ALG8: variants seen among roughly 807,000 people sequenced by gnomAD.
The protein encoded by ALG8 is dolichyl pyrophosphate Glc1Man9GlcNAc2 alpha-1,3-glucosyltransferase.
ALG8 carries 48 observed loss-of-function variants against 70.2 expected under a neutral mutation model. The ratio of observed to expected loss-of-function variants is 0.68; its 90% CI spans 0.54 to 0.87. ALG8 has a LOEUF of 0.87. Among genes scored for constraint, ALG8 ranks in the 40% least tolerant of loss-of-function variants. The pLI is 0.00. For synonymous variants in ALG8, 234 were observed against 229.0 expected, an observed-to-expected ratio of 1.02 and a Z score of -0.20; for missense variants, 572 against 608.7, an observed-to-expected ratio of 0.94 and a Z score of 0.64.
intron 5 of ALG8, among the ~76,000 whole-genome samples, chr11:78,117,544 G>A (rs902635240): frequency 6.6e-6 from 1 of 151,540 alleles, no homozygotes; most frequent in Non-Finnish European, 1.5e-5. Flanking sequence ...AGGCCAGAGT[G>A]GGAGGATCAC....
Position 78,103,158 on chromosome 11 carries a change from T to G in ALG8, c.1349+822A>C, listed in dbSNP as rs367880604. ...CTGACCAACACAGAGAAACCCCATC[T>G]CTAATAAAAATACAAAATTAGCCGG... On this transcript the variant is annotated intron_variant, in intron 12 of 12. Transcript: ENST00000299626. 9.3e-4 allele frequency among the ~76,000 whole-genome samples: 142 copies of G among 151,998 alleles called. 3 individuals are homozygous for G. The South Asian group carries it at 0.028, about 30-fold the overall frequency.
At chr11:78,104,487 T>A (rs900681891) in intron 10 of ALG8, 34 bp from the exon 11 acceptor site, 1 of 1,532,828 alleles carries the variant, frequency 6.5e-7, no homozygotes, top group Non-Finnish European at 8.8e-7. Context: ...AAACAACAAC[T>A]GTTATTACAC....
chr11:78,125,704 G>A (rs1861038660), intron 2 of ALG8, among the ~76,000 whole-genome samples: 1 of 151,956 alleles, frequency 6.6e-6, no homozygotes, highest in African/African-American at 2.4e-5. Context: ...TTACTCAGGA[G>A]GCTAAAGGCA....
At chr11:78,136,000 C>G (rs1861531810) in intron 1 of ALG8, among the ~76,000 whole-genome samples, 1 of 151,946 alleles carries the variant, frequency 6.6e-6, no homozygotes, top group Admixed American at 6.6e-5. Context: ...GAAACCCCAT[C>G]TCTGCAAAAA....
At chr11:78,110,326 G>C (rs926224611) in intron 8 of ALG8, among the ~76,000 whole-genome samples, 2 of 152,094 alleles carry the variant, frequency 1.3e-5, no homozygotes, top group African/African-American at 4.8e-5. Context: ...CCATTAACTG[G>C]GATTACAGGC....
chr11:78,104,473 C>G lies in ALG8; in HGVS notation c.1179-20G>C, dbSNP rs372251008. The G allele has an allele frequency of 6.4e-7, 1 of 1,550,866 alleles. No homozygotes were observed. On this transcript the variant is annotated intron_variant, in intron 10 of 12. Transcript: ENST00000299626. ...AAAAGGCTAAAAATAAAAATAATTT[C>G]TTAAAACAACAACTGTTATTACACT...
intron 1 of ALG8, among the ~76,000 whole-genome samples, chr11:78,131,145 T>C (rs1386451892): frequency 6.6e-6 from 1 of 152,188 alleles, no homozygotes; most frequent in Non-Finnish European, 1.5e-5. Context: ...TTCAAAACTG[T>C]TGGAGACTTC....
chr11:78,117,455 C>T (rs1565352772), intron 5 of ALG8, among the ~76,000 whole-genome samples: 1 of 151,820 alleles, frequency 6.6e-6, no homozygotes, highest in Non-Finnish European at 1.5e-5. Flanking sequence ...ATCTGTAATC[C>T]CAGAGACTCA....
intron 5 of ALG8, among the ~76,000 whole-genome samples, chr11:78,118,889 T>A (rs1192153084): frequency 6.6e-6 from 1 of 152,144 alleles, no homozygotes; most frequent in Non-Finnish European, 1.5e-5. Context: ...TGTACTCCAG[T>A]CTGGGTGACA....
At position 78,112,760 on chromosome 11, in the gene ALG8, G is replaced by C; in HGVS notation, c.788C>G (p.Pro263Arg). Reference sequence around the variant, plus strand: ...AGGAAAGAGTCGGGAAAAGACTTGAGGCAGCTGATTCTGTTGAAAAGAGAA... The same window carrying C: ...AGGAAAGAGTCGGGAAAAGACTTGACGCAGCTGATTCTGTTGAAAAGAGAA... ...LGPFLALNQL[P>R]QVFSRLFPFK... Residue 263 changes from proline to arginine, a missense_variant, in exon 8 of 13, where the codon CCT becomes CGT. Coordinates refer to ENST00000299626, the MANE Select transcript of ALG8 (RefSeq NM_024079.5). The C allele has an allele frequency of 1.2e-6, 2 of 1,613,750 alleles. No homozygotes were observed. Among genetic ancestry groups the C allele is most frequent in the South Asian group, 2.2e-5 (2 of 91,068 alleles).
chr11:78,130,997 A>G (rs1261917900), intron 1 of ALG8, among the ~76,000 whole-genome samples: 1 of 152,116 alleles, frequency 6.6e-6, no homozygotes, highest in Non-Finnish European at 1.5e-5. Context: ...TGTTTTATAG[A>G]CATGTCTTTT....
chr11:78,135,994 C>A (rs1335463038), intron 1 of ALG8, among the ~76,000 whole-genome samples: 3 of 151,718 alleles, frequency 2.0e-5, no homozygotes, highest in African/African-American at 4.8e-5. Flanking sequence ...CATGGTGAAA[C>A]CCCATCTCTG....
intron 9 of ALG8, among the ~76,000 whole-genome samples, chr11:78,109,194 T>TC (rs1430668308): frequency 6.6e-6 from 1 of 152,136 alleles, no homozygotes; most frequent in East Asian, 1.9e-4. Context: ...CTTTTTCCCT[T>TC]CCCCCGGGTG....
intron 1 of ALG8, among the ~76,000 whole-genome samples, chr11:78,133,892 C>G (rs1861424211): frequency 1.4e-5 from 2 of 146,392 alleles, no homozygotes; most frequent in South Asian, 4.4e-4. Flanking sequence ...CAGAGCGAGA[C>G]TCCGTCTCAA....
At chr11:78,118,671 C>T (rs562317) in intron 5 of ALG8, among the ~76,000 whole-genome samples, 26,799 of 148,346 alleles carry the variant, frequency 0.18, 2,909 homozygotes, top group Middle Eastern at 0.3. Flanking sequence ...AGGGCAGGCA[C>T]AGGGGCTCAT....
chr11:78,115,855 TCA>T (rs372271052), intron 5 of ALG8, among the ~76,000 whole-genome samples: 133 of 152,280 alleles, frequency 8.7e-4, no homozygotes, highest in African/African-American at 3.1e-3. Context: ...CCTTCACCCC[TCA>T]CAGTTTCAGA....
At chr11:78,134,366 G>C (rs1861451967) in intron 1 of ALG8, among the ~76,000 whole-genome samples, 1 of 152,132 alleles carries the variant, frequency 6.6e-6, no homozygotes, top group African/African-American at 2.4e-5. Context: ...TTGAACTCCT[G>C]ACCTCAGGTG....
chr11:78,124,311 A>T lies in ALG8; in HGVS notation c.175-97T>A, dbSNP rs907137538. 4 of 1,276,748 alleles carry T rather than the reference A, an allele frequency of 3.1e-6. No homozygotes were observed. The African/African-American group carries it at 6.0e-5, about 19-fold the overall frequency. The allele number at this position is 1,276,748 out of a possible 1,614,324, so 79.1% of individuals were successfully genotyped here. On this transcript the variant is annotated intron_variant, in intron 2 of 12. Coordinates refer to ENST00000299626, the MANE Select transcript of ALG8 (RefSeq NM_024079.5). ...TTTTTCATTCTCTGGTCTTTAAAAC[A>T]GCACAATAAGGCTGGGCGTGGTAGC...
chr11:78,105,955 G>T (rs901682149), intron 10 of ALG8, among the ~76,000 whole-genome samples: 1 of 152,072 alleles, frequency 6.6e-6, no homozygotes, highest in Non-Finnish European at 1.5e-5. Context: ...GTGAACCACC[G>T]CTTCAGCCTC....
Sources: gnomAD v4.1 joint callset for allele counts (sites outside exome capture counted in the v4.1 genomes callset) on GRCh38, gnomAD v4.1.1 for gene constraint, MANE v1.5 for transcripts, NCBI Gene and HGNC (gene_info 2026-07-23, HGNC 2026-07-21) for gene names.